Variants in HNRNPLL observed in about 807,000 individuals in gnomAD.
HNRNPLL encodes the protein heterogeneous nuclear ribonucleoprotein L-like.
HNRNPLL carries 25 observed loss-of-function variants against 67.1 expected under a neutral mutation model. The ratio of observed to expected loss-of-function variants is 0.37; its 90% CI spans 0.27 to 0.52. The LOEUF (loss-of-function observed/expected upper bound fraction) is 0.52. Among genes scored for constraint, HNRNPLL ranks in the 20% least tolerant of loss-of-function variants. HNRNPLL has a pLI of 0.90. For synonymous variants in HNRNPLL, 267 were observed against 241.7 expected, an observed-to-expected ratio of 1.10 and a Z score of -0.97; for missense variants, 542 against 673.9, an observed-to-expected ratio of 0.80 and a Z score of 2.17.
chr2:38,586,952 AAAGG>A (rs1316439805), intron 2 of HNRNPLL, among the ~76,000 whole-genome samples: 3 of 152,220 alleles, frequency 2.0e-5, no homozygotes, highest in African/African-American at 7.2e-5. Flanking sequence ...GAAGAATAAG[AAAGG>A]AAGGAAGAGT....
Position 38,570,034 on chromosome 2 carries a change from C to T in HNRNPLL, c.1093-109G>A, listed in dbSNP as rs565455673. 4 of 727,914 alleles carry T rather than the reference C, an allele frequency of 5.5e-6. No homozygotes were observed. The East Asian group carries it at 8.0e-5, about 14-fold the overall frequency. The allele number at this position is 727,914 out of a possible 1,614,324, so 45.1% of individuals were successfully genotyped here. On this transcript the variant is annotated intron_variant, in intron 8 of 12. Transcript: ENST00000449105. ...GGTTAAAGTAAAATACGGAAGATCA[C>T]CTGGATTTTAACTATACTCTGCCAT...
At chr2:38,599,335 C>T (rs938929172) in intron 1 of HNRNPLL, among the ~76,000 whole-genome samples, 2 of 152,222 alleles carry the variant, frequency 1.3e-5, no homozygotes, top group African/African-American at 4.8e-5. Context: ...TAAATTAGCA[C>T]TCCATCCCAA....
chr2:38,589,367 G>T (rs539574309), intron 2 of HNRNPLL, among the ~76,000 whole-genome samples: 1 of 152,198 alleles, frequency 6.6e-6, no homozygotes, highest in Non-Finnish European at 1.5e-5. Context: ...TAAATAAAGG[G>T]AAAGTTTCCA....
At chr2:38,577,683 A>G in intron 6 of HNRNPLL, 151 bp from the exon 7 acceptor site, 2 of 617,800 alleles carry the variant, frequency 3.2e-6, no homozygotes, top group Non-Finnish European at 5.9e-6. Flanking sequence ...ATTCATATCC[A>G]ATTTAAACAC....
intron 1 of HNRNPLL, among the ~76,000 whole-genome samples, chr2:38,593,679 G>C (rs1272314253): frequency 6.6e-6 from 1 of 152,078 alleles, no homozygotes; most frequent in African/African-American, 2.4e-5. Context: ...ACAAGATCAG[G>C]AGTTCCAGAC....
rs1665754962 is a variant in HNRNPLL, at chr2:38,564,107, A to C, written c.*75T>G. The C allele has an allele frequency of 1.1e-6, 1 of 906,516 alleles. No homozygotes were observed. Among genetic ancestry groups the C allele is most frequent in the Middle Eastern group, 2.1e-4 (1 of 4,660 alleles). The allele number at this position is 906,516 out of a possible 1,614,324, so 56.2% of individuals were successfully genotyped here. On this transcript the variant is annotated 3_prime_UTR_variant, in exon 13 of 13. Transcript: ENST00000449105. ...AAGGCAACATGAGATCAACCATTTT[A>C]GATTTTTTTTTAATGAAGTGTAGCT...
intron 2 of HNRNPLL, among the ~76,000 whole-genome samples, chr2:38,586,356 T>C (rs555718814): frequency 2.4e-4 from 37 of 152,278 alleles, no homozygotes; most frequent in African/African-American, 8.7e-4. Context: ...CAGGTAGATG[T>C]ACACATATGA....
chr2:38,568,540 T>C (rs1665957558), intron 10 of HNRNPLL, 97 bp from the exon 11 acceptor site: 6 of 729,138 alleles, frequency 8.2e-6, no homozygotes, highest in Non-Finnish European at 1.4e-5. Flanking sequence ...AAGTTTTAAT[T>C]CTCAAATGAA....
chr2:38,598,774 A>G (rs1185298252), intron 1 of HNRNPLL, among the ~76,000 whole-genome samples: 1 of 152,226 alleles, frequency 6.6e-6, no homozygotes, highest in East Asian at 1.9e-4. Context: ...ACATACTAAC[A>G]TGAAGAAACA....
At position 38,593,862 on chromosome 2, in the gene HNRNPLL, C is replaced by CAAA. The variant is rs11449195; in HGVS notation, c.190-2217_190-2215dup. 2.3e-4 allele frequency among the ~76,000 whole-genome samples: 33 copies of CAAA among 141,710 alleles called. No homozygotes were observed. The East Asian group carries it at 5.2e-3, about 22-fold the overall frequency. 93.0% of individuals were successfully genotyped at this position (141,710 alleles called of 152,430 possible). Reference sequence around the variant, plus strand: ...TGGGCGACGGAGTGAGACTCCGTCTCAAAAAAAAAACAAAAAAAAACCTAA... The same window carrying CAAA: ...TGGGCGACGGAGTGAGACTCCGTCTCAAAAAAAAAAAAACAAAAAAAAACCTAA... On this transcript the variant is annotated intron_variant, in intron 1 of 12. Transcript: ENST00000449105.
At chr2:38,601,270 G>GA (rs1298689586) in intron 1 of HNRNPLL, among the ~76,000 whole-genome samples, 2 of 152,126 alleles carry the variant, frequency 1.3e-5, no homozygotes, top group Admixed American at 6.5e-5. Flanking sequence ...CTGGTAACTG[G>GA]AAACTGCAAC....
chr2:38,595,962 CCACT>C (rs1667172570), intron 1 of HNRNPLL, among the ~76,000 whole-genome samples: 1 of 152,132 alleles, frequency 6.6e-6, no homozygotes, highest in Non-Finnish European at 1.5e-5. Context: ...TCCCTTATTC[CCACT>C]CAATGAATCT....
intron 3 of HNRNPLL, among the ~76,000 whole-genome samples, chr2:38,584,725 T>C (rs1666656985): frequency 6.6e-6 from 1 of 152,114 alleles, no homozygotes. Flanking sequence ...CAGTTACATG[T>C]CACTAAACAA....
chr2:38,580,379 A>G (rs1350415530), intron 6 of HNRNPLL, among the ~76,000 whole-genome samples: 1 of 152,252 alleles, frequency 6.6e-6, no homozygotes, highest in East Asian at 1.9e-4. Context: ...AATTTCATGC[A>G]TAAGGCAAGA....
chr2:38,591,212 T>G (rs948430918), intron 2 of HNRNPLL, among the ~76,000 whole-genome samples: 4 of 152,138 alleles, frequency 2.6e-5, no homozygotes, highest in African/African-American at 9.7e-5. Flanking sequence ...AACTCAATGG[T>G]TTAAAGAGTG....
chr2:38,566,037 C>T, intron 12 of HNRNPLL: 1 of 987,522 alleles, frequency 1.0e-6, no homozygotes, highest in Non-Finnish European at 1.2e-6. Context: ...TATTTAAATA[C>T]CCTGGAGATC....
Position 38,602,490 on chromosome 2 carries a change from G to T in HNRNPLL, c.137C>A (p.Thr46Lys). 2 of 1,545,334 alleles carry T rather than the reference G, an allele frequency of 1.3e-6. No individual in the cohort carries two copies. The highest frequency in any genetic ancestry group is 1.7e-6 in the Non-Finnish European group (2 of 1,147,876). The change falls in exon 1 of 13, where the codon ACG (threonine) becomes AAG (lysine). Residue 46 changes from threonine (T) to lysine (K), a missense_variant. Transcript: ENST00000449105. ...AEEGENRREA[T>K]PRGGGDGGGG... ...GCCGCCATCGCCCCCGCCCCGGGGC[G>T]TCGCTTCCCGGCGGTTCTCGCCTTC...
chr2:38,596,705 G>C (rs1667206058), intron 1 of HNRNPLL, among the ~76,000 whole-genome samples: 1 of 152,108 alleles, frequency 6.6e-6, no homozygotes, highest in Non-Finnish European at 1.5e-5. Context: ...AGCTTAAGGA[G>C]TCCTTTTTTT....
rs978039270 is a variant in HNRNPLL, at chr2:38,602,568, C to T, written c.59G>A (p.Ser20Asn). 1.3e-6 allele frequency: 2 copies of T among 1,572,716 alleles called. No individual in the cohort carries two copies. Among genetic ancestry groups the T allele is most frequent in the Middle Eastern group, 3.3e-4 (2 of 6,008 alleles). ...ETYEEDREYE[S>N]QAKRLKTEEG... ...CTCGGTCTTGAGACGCTTGGCCTGG[C>T]TCTCGTACTCCCGGTCCTCCTCGTA... The change falls in exon 1 of 13, where the codon AGC (serine) becomes AAC (asparagine). Residue 20 changes from serine (S) to asparagine (N), a missense_variant. Ser to Asn is a conservative substitution (Grantham distance 46). This residue lies in a region of HNRNPLL where 127 missense variants were observed against 98.7 expected (regional missense o/e 1.29). Coordinates refer to ENST00000449105, the MANE Select transcript of HNRNPLL (RefSeq NM_138394.4).
Sources: gnomAD v4.1 joint callset for allele counts (sites outside exome capture counted in the v4.1 genomes callset) on GRCh38, gnomAD v4.1.1 for gene constraint, gnomAD v4.1.1 regional missense constraint, MANE v1.5 for transcripts, NCBI Gene and HGNC (gene_info 2026-07-23, HGNC 2026-07-21) for gene names.